Variants in ADGRL3 observed in about 807,000 individuals in gnomAD.
The protein encoded by ADGRL3 is adhesion G protein-coupled receptor L3, also known as calcium-independent alpha-latrotoxin receptor 3.
In ADGRL3, 62 loss-of-function variants were observed where a neutral mutation model predicts 153.5. The observed-to-expected ratio is 0.40, with a 90% CI of 0.33 to 0.50. ADGRL3 has a LOEUF of 0.50. Ranked by LOEUF, ADGRL3 falls within the 20% of genes least tolerant of loss-of-function variation. ADGRL3 has a pLI of 0.47. For missense variants in ADGRL3, 1,641 were observed against 1,859.4 expected, an observed-to-expected ratio of 0.88 and a Z score of 2.16; for synonymous variants, 710 against 672.5, an observed-to-expected ratio of 1.06 and a Z score of -0.86.
At chr4:61,744,890 G>A (rs1436353671) in intron 8 of ADGRL3, among the ~76,000 whole-genome samples, 2 of 152,198 alleles carry the variant, frequency 1.3e-5, no homozygotes, top group Non-Finnish European at 2.9e-5. Context: ...GTTGAGAGAA[G>A]AAGCCTTCAG....
intron 11 of ADGRL3, among the ~76,000 whole-genome samples, chr4:61,900,304 T>A (rs547078780): frequency 6.6e-6 from 1 of 152,290 alleles, no homozygotes; most frequent in East Asian, 1.9e-4. Flanking sequence ...GAATTATGTT[T>A]TTTTTTCCCC....
At chr4:61,486,821 T>G (rs181921180) in intron 2 of ADGRL3, among the ~76,000 whole-genome samples, 99 of 152,320 alleles carry the variant, frequency 6.5e-4, no homozygotes, top group Non-Finnish European at 1.0e-3. Flanking sequence ...CCTTCTGAGA[T>G]CCTGGAAGAT....
chr4:61,479,900 G>A (rs1437025355), intron 2 of ADGRL3, among the ~76,000 whole-genome samples: 3 of 151,828 alleles, frequency 2.0e-5, no homozygotes, highest in Admixed American at 1.3e-4. Context: ...TTAACAATTA[G>A]GATTTGTATA....
rs71281828 is a variant in ADGRL3 at position 61,781,331 on chromosome 4, C to CAAAAAAAAAAAAAAA, written c.1400-32476_1400-32462dup. On this transcript the variant is annotated intron_variant, in intron 8 of 26. Coordinates refer to ENST00000683033, the MANE Select transcript of ADGRL3 (RefSeq NM_001387552.1). ...GGCAAAAAGAGCAAAATTCTGCCTC[C>CAAAAAAAAAAAAAAA]AAAAAAAAAAAAAAAAGAAAAGAAA... 1.6e-3 allele frequency among the ~76,000 whole-genome samples: 102 copies of CAAAAAAAAAAAAAAA among 64,220 alleles called. 2 individuals carry two copies. Among genetic ancestry groups the CAAAAAAAAAAAAAAA allele is most frequent in the Middle Eastern group, 9.3e-3 (1 of 108 alleles). The allele number at this position is 64,220 out of a possible 152,430, so 42.1% of individuals were successfully genotyped here.
intron 4 of ADGRL3, among the ~76,000 whole-genome samples, chr4:61,519,927 A>T (rs2098519911): frequency 6.6e-6 from 1 of 152,218 alleles, no homozygotes; most frequent in Admixed American, 6.5e-5. Context: ...TTACTTAAAA[A>T]TATATTAACC....
At chr4:62,037,604 C>A in intron 23 of ADGRL3, 127 bp from the exon 24 acceptor site, 5 of 1,025,324 alleles carry the variant, frequency 4.9e-6, no homozygotes, top group Middle Eastern at 4.6e-4. Context: ...GCTGAACAGA[C>A]TTTCTTACAT....
chr4:61,393,715 T>TCTTTC (rs2096838834), intron 2 of ADGRL3, among the ~76,000 whole-genome samples: 1 of 152,104 alleles, frequency 6.6e-6, no homozygotes, highest in Non-Finnish European at 1.5e-5. Flanking sequence ...ATGCAGAACA[T>TCTTTC]TAAGTACCAT....
At chr4:61,712,773 G>A (rs143177986) in intron 6 of ADGRL3, among the ~76,000 whole-genome samples, 1 of 152,280 alleles carries the variant, frequency 6.6e-6, no homozygotes, top group South Asian at 2.1e-4. Context: ...GCTTCCATCT[G>A]AATGAAGCCA....
chr4:62,003,941 G>C (rs993982218), intron 21 of ADGRL3, among the ~76,000 whole-genome samples: 8 of 151,984 alleles, frequency 5.3e-5, no homozygotes, highest in African/African-American at 1.9e-4. Context: ...AATCTAAGAA[G>C]GCTTCTGAAT....
intron 17 of ADGRL3, among the ~76,000 whole-genome samples, chr4:61,964,648 G>A (rs1438591130): frequency 6.6e-6 from 1 of 151,920 alleles, no homozygotes; most frequent in Non-Finnish European, 1.5e-5. Flanking sequence ...TTAGTTTTAA[G>A]TACAATCATA....
chr4:61,614,754 A>T (rs1434328911), intron 5 of ADGRL3, among the ~76,000 whole-genome samples: 1 of 152,132 alleles, frequency 6.6e-6, no homozygotes, highest in Non-Finnish European at 1.5e-5. Context: ...CCCGCATCAG[A>T]CACACTTATT....
intron 19 of ADGRL3, among the ~76,000 whole-genome samples, chr4:61,992,689 G>A (rs1247624495): frequency 6.6e-6 from 1 of 152,114 alleles, no homozygotes; most frequent in African/African-American, 2.4e-5. Flanking sequence ...CAAAGGAAAT[G>A]TAAATCCATT....
chr4:61,399,180 G>T (rs528042986), intron 2 of ADGRL3, among the ~76,000 whole-genome samples: 2 of 151,746 alleles, frequency 1.3e-5, no homozygotes, highest in African/African-American at 4.8e-5. Context: ...GATGTTTGAA[G>T]TAAAAATTTT....
intron 17 of ADGRL3, among the ~76,000 whole-genome samples, chr4:61,963,757 A>G (rs1160504362): frequency 4.1e-4 from 62 of 152,198 alleles, no homozygotes; most frequent in Admixed American, 4.1e-3. Context: ...CCTCCTATGC[A>G]CAGCTTGGAT....
chr4:61,890,919 TTC>T (rs2098577178), intron 9 of ADGRL3, among the ~76,000 whole-genome samples: 2 of 152,182 alleles, frequency 1.3e-5, no homozygotes, highest in South Asian at 4.1e-4. Context: ...AGGTAATGTT[TTC>T]TTTTTAAAAC....
intron 9 of ADGRL3, among the ~76,000 whole-genome samples, chr4:61,875,676 C>T (rs894452745): frequency 2.6e-5 from 4 of 152,214 alleles, no homozygotes; most frequent in East Asian, 1.9e-4. Context: ...TTGCTAAATA[C>T]GAGTTTTATG....
chr4:61,228,625 A>G (rs1749058950), intron 1 of ADGRL3, among the ~76,000 whole-genome samples: 1 of 152,198 alleles, frequency 6.6e-6, no homozygotes, highest in African/African-American at 2.4e-5. Flanking sequence ...TTTGTAAAAG[A>G]GCTTCCTTAG....
chr4:62,040,204 T>G (rs2151623876), intron 24 of ADGRL3, among the ~76,000 whole-genome samples: 1 of 152,170 alleles, frequency 6.6e-6, no homozygotes, highest in East Asian at 1.9e-4. Flanking sequence ...GAATAAATAG[T>G]GGGTGCTCAA....
intron 9 of ADGRL3, among the ~76,000 whole-genome samples, chr4:61,819,354 C>T (rs1399686496): frequency 6.6e-6 from 1 of 152,018 alleles, no homozygotes; most frequent in Admixed American, 6.6e-5. Flanking sequence ...TGCCTACAAA[C>T]TAACACTAGC....
Sources: allele counts gnomAD v4.1 joint callset (sites outside exome capture counted in the v4.1 genomes callset), GRCh38; gene constraint gnomAD v4.1.1; transcripts MANE v1.5; gene names NCBI Gene and HGNC (gene_info 2026-07-23, HGNC 2026-07-21).